The following CLPX variants were observed in gnomAD, a reference collection of about 807,000 sequenced individuals.
The protein encoded by CLPX is ATP-dependent clpX-like chaperone, mitochondrial.
Under a neutral mutation model 76.4 loss-of-function variants are expected in CLPX, and 34 were observed. The observed-to-expected ratio is 0.45, with a 90% CI of 0.34 to 0.59. The LOEUF (loss-of-function observed/expected upper bound fraction) is 0.59. Ranked by LOEUF, CLPX falls within the 20% of genes least tolerant of loss-of-function variation. The pLI, the probability that CLPX is intolerant of heterozygous loss-of-function variation, is 0.01. For missense variants in CLPX, 613 were observed against 757.0 expected, an observed-to-expected ratio of 0.81 and a Z score of 2.23; for synonymous variants, 248 against 270.9, an observed-to-expected ratio of 0.92 and a Z score of 0.83.
chr15:65,154,497 A>T (rs1195235332), intron 11 of CLPX, among the ~76,000 whole-genome samples: 1 of 152,232 alleles, frequency 6.6e-6, no homozygotes, highest in Non-Finnish European at 1.5e-5. Context: ...CAAGACTGAA[A>T]GGACAATCCT....
chr15:65,161,963 T>C (rs1595939493), intron 6 of CLPX, among the ~76,000 whole-genome samples: 1 of 152,194 alleles, frequency 6.6e-6, no homozygotes, highest in Non-Finnish European at 1.5e-5. Context: ...TACTACTTGG[T>C]TCAAAGGCAA....
At position 65,185,199 on chromosome 15, in the gene CLPX, G is replaced by C. The variant is rs760078216; in HGVS notation, c.-46C>G. ...GGCTTCGCCCCCTGAGGACCTCCGGGTCACAGCGGCGTGAATCCTGCCCGC... is the reference window on the plus strand; with the variant it reads ...GGCTTCGCCCCCTGAGGACCTCCGGCTCACAGCGGCGTGAATCCTGCCCGC... On this transcript the variant is annotated 5_prime_UTR_variant, in exon 1 of 14. Coordinates refer to ENST00000300107, the MANE Select transcript of CLPX (RefSeq NM_006660.5). The C allele has an allele frequency of 1.3e-6, 2 of 1,487,858 alleles. No homozygotes were observed. Among genetic ancestry groups the C allele is most frequent in the Non-Finnish European group, 9.2e-7 (1 of 1,092,290 alleles). 92.2% of individuals were successfully genotyped at this position (1,487,858 alleles called of 1,614,324 possible).
Position 65,160,436 on chromosome 15 carries a change from C to A in CLPX, c.716-1685G>T, listed in dbSNP as rs568045096. On this transcript the variant is annotated intron_variant, in intron 6 of 13. Coordinates refer to ENST00000300107, the MANE Select transcript of CLPX (RefSeq NM_006660.5). ...CTGTATGAGGATAGTTAAATTGTCACTAGCAAAGTACTTTTTAAAATTTCA... is the reference window on the plus strand; with the variant it reads ...CTGTATGAGGATAGTTAAATTGTCAATAGCAAAGTACTTTTTAAAATTTCA... Among the ~76,000 whole-genome samples the A allele has an allele frequency of 3.3e-5, 5 of 152,232 alleles. No individual in the cohort carries two copies. The South Asian group carries it at 1.0e-3, about 32-fold the overall frequency.
At chr15:65,159,899 G>A (rs1184710083) in intron 6 of CLPX, among the ~76,000 whole-genome samples, 2 of 150,364 alleles carry the variant, frequency 1.3e-5, no homozygotes, top group African/African-American at 2.4e-5. Context: ...TGCAACCTCC[G>A]CCTCCTGGGT....
At chr15:65,151,015 C>A (rs1275100133) in intron 13 of CLPX, 102 bp from the exon 14 acceptor site, 1 of 725,856 alleles carries the variant, frequency 1.4e-6, no homozygotes, top group Non-Finnish European at 2.3e-6. Context: ...CTAAGAAAGC[C>A]ACGATAATAG....
At chr15:65,160,621 T>TCTCA (rs66715709) in intron 6 of CLPX, among the ~76,000 whole-genome samples, 1 of 128,524 alleles carries the variant, frequency 7.8e-6, no homozygotes, top group Non-Finnish European at 1.6e-5. Flanking sequence ...TCTCTCTCTC[T>TCTCA]CTCACACACA....
In CLPX at chr15:65,153,554, G is replaced by A; in HGVS notation, c.1697C>T (p.Ser566Phe). Residue 566 changes from serine (S) to phenylalanine (F), a missense_variant, in exon 12 of 14, where the codon TCC (serine) becomes TTC (phenylalanine). Transcript: ENST00000300107. Reference sequence around the variant, plus strand: ...AGAATAATGCCAACTCACCATTATGGACCGAAGGCCTCGTGCACCTGTTTT... The same window carrying A: ...AGAATAATGCCAACTCACCATTATGAACCGAAGGCCTCGTGCACCTGTTTT... ...ERKTGARGLR[S>F]IMEKLLLEPM... The A allele has an allele frequency of 2.5e-6, 4 of 1,585,086 alleles. No homozygotes were observed. Among genetic ancestry groups the A allele is most frequent in the Non-Finnish European group, 3.4e-6 (4 of 1,161,600 alleles).
At chr15:65,177,689 T>C (rs1198791176) in intron 3 of CLPX, among the ~76,000 whole-genome samples, 1 of 152,204 alleles carries the variant, frequency 6.6e-6, no homozygotes, top group East Asian at 1.9e-4. Context: ...TAAATTATGT[T>C]AAGTAATGAG....
intron 12 of CLPX, among the ~76,000 whole-genome samples, chr15:65,153,149 A>G (rs978981273): frequency 2.9e-5 from 4 of 140,026 alleles, no homozygotes; most frequent in Non-Finnish European, 6.3e-5. Context: ...TACTGTGACT[A>G]AAAAAAAAAA....
chr15:65,164,204 G>A lies in CLPX; in HGVS notation c.514-16C>T, dbSNP rs1268506656. The A allele has an allele frequency of 6.3e-7, 1 of 1,586,824 alleles. No homozygotes were observed. Among genetic ancestry groups the A allele is most frequent in the East Asian group, 2.3e-5 (1 of 44,372 alleles). On this transcript the variant is annotated splice_polypyrimidine_tract_variant and intron_variant, in intron 4 of 13. Transcript: ENST00000300107. ...AGTTATAAATCTGAAAAATGATTAG[G>A]TATGAATAATTTAATATGAGCTATT...
chr15:65,181,610 A>C (rs568629443), intron 1 of CLPX, among the ~76,000 whole-genome samples: 9 of 151,940 alleles, frequency 5.9e-5, no homozygotes, highest in Admixed American at 2.0e-4. Flanking sequence ...AAAAGTAGCC[A>C]GGCGTGGTGA....
intron 1 of CLPX, among the ~76,000 whole-genome samples, chr15:65,183,135 G>A (rs1404389606): frequency 2.7e-5 from 4 of 150,642 alleles, no homozygotes; most frequent in Non-Finnish European, 5.9e-5. Flanking sequence ...CTGCACTCCA[G>A]CCCGGGCAAC....
At chr15:65,158,176 C>T (rs938431625) in intron 7 of CLPX, 5 of 340,456 alleles carry the variant, frequency 1.5e-5, no homozygotes, top group Non-Finnish European at 2.6e-5. Flanking sequence ...GCATGTGCTA[C>T]CACGCCCAAC....
chr15:65,180,138 A>C lies in CLPX; in HGVS notation c.146T>G (p.Leu49Arg), dbSNP rs746142076. 1 of 1,613,026 alleles carries C rather than the reference A, an allele frequency of 6.2e-7. No homozygotes were observed. The highest frequency in any genetic ancestry group is 2.2e-5 in the East Asian group (1 of 44,854). Residue 49 changes from leucine (L) to arginine (R), a missense_variant, in exon 2 of 14, where the codon CTG becomes CGG. By Grantham distance (102) the Leu-to-Arg change is moderately radical (BLOSUM62 -2). Transcript: ENST00000300107. ...GRLGTFETQI[L>R]QRAPLRSFTE... Reference sequence around the variant, plus strand: ...AAAGGATCTAAGAGGAGCTCTTTGCAGAATCTGAGTTTCAAATGTCCCAAG... The same window carrying C: ...AAAGGATCTAAGAGGAGCTCTTTGCCGAATCTGAGTTTCAAATGTCCCAAG...
At position 65,155,317 on chromosome 15, in the gene CLPX, T is replaced by C. The variant is rs571769966; in HGVS notation, c.1312-236A>G. 1.9e-3 allele frequency among the ~76,000 whole-genome samples: 296 copies of C among 152,316 alleles called. 2 individuals carry two copies. Among genetic ancestry groups the C allele is most frequent in the Middle Eastern group, 6.8e-3 (2 of 294 alleles). On this transcript the variant is annotated intron_variant, in intron 10 of 13. Coordinates refer to ENST00000300107, the MANE Select transcript of CLPX (RefSeq NM_006660.5). ...CTCAGGTCTGTCTGCCTTAGAGTTC[T>C]TGGCTCACTGCAACCTCCGCCTCCT...
chr15:65,177,886 TC>T (rs1348130023), intron 3 of CLPX, among the ~76,000 whole-genome samples: 1 of 152,098 alleles, frequency 6.6e-6, no homozygotes. Flanking sequence ...CTGCCTCACC[TC>T]CCAGGCTCAA....
intron 3 of CLPX, among the ~76,000 whole-genome samples, chr15:65,171,406 C>A (rs2088004475): frequency 6.6e-6 from 1 of 150,896 alleles, no homozygotes; most frequent in Non-Finnish European, 1.5e-5. Context: ...GGGATCACAC[C>A]ACTGCACTTC....
At chr15:65,175,905 AC>A (rs1417801011) in intron 3 of CLPX, among the ~76,000 whole-genome samples, 1 of 152,220 alleles carries the variant, frequency 6.6e-6, no homozygotes, top group Non-Finnish European at 1.5e-5. Flanking sequence ...GGCTCACTGC[AC>A]TGCTAGGGCC....
intron 1 of CLPX, 59 bp downstream of exon 1, chr15:65,185,016 T>C: frequency 6.9e-7 from 1 of 1,439,838 alleles, no homozygotes; most frequent in Non-Finnish European, 9.6e-7. Context: ...CCCCAACCAT[T>C]GGCCAGTCCA....
Sources: gnomAD v4.1 joint callset for allele counts (sites outside exome capture counted in the v4.1 genomes callset) on GRCh38, gnomAD v4.1.1 for gene constraint, MANE v1.5 for transcripts, NCBI Gene and HGNC (gene_info 2026-07-23, HGNC 2026-07-21) for gene names.